The following MED12 variants were observed in gnomAD, a reference collection of about 807,000 sequenced individuals.
MED12 encodes mediator of RNA polymerase II transcription subunit 12.
Under a neutral mutation model 177.7 loss-of-function variants are expected in MED12, and 10 were observed. The observed-to-expected ratio is 0.06, with a 90% confidence interval of 0.03 to 0.10. The LOEUF (loss-of-function observed/expected upper bound fraction) is 0.10. Among genes scored for constraint, MED12 ranks in the 10% least tolerant of loss-of-function variants. MED12 has a pLI of 1.00. For missense variants in MED12, 867 were observed against 1,780.8 expected (o/e 0.49, Z 9.23); for synonymous variants, 641 against 678.4 (o/e 0.94, Z 0.86).
Position 71,121,791 on chromosome X carries a change from T to G in MED12, c.1076T>G (p.Val359Gly). 1 of 1,211,117 alleles carries G rather than the reference T, an allele frequency of 8.3e-7. No individual in the cohort carries two copies. Among genetic ancestry groups the G allele is most frequent in the Non-Finnish European group, 1.1e-6 (1 of 894,933 alleles). ...ATGTGCCCTCAGCACCGGCCCCTGG[T>G]TTTTGGCCTCAGCTGTATCCTACAG... ...LLMCPQHRPL[V>G]FGLSCILQTI... Residue 359 changes from valine (V) to glycine (G), a missense_variant, in exon 7 of 45, where the codon GTT becomes GGT. By Grantham distance (109) the Val-to-Gly change is moderately radical. Transcript: ENST00000374080.
chrX:71,138,185 C>T (rs2092337385), intron 41 of MED12, among the ~76,000 whole-genome samples: 1 of 111,524 alleles, frequency 9.0e-6, no homozygotes, highest in Admixed American at 9.5e-5. Flanking sequence ...AATTGTTTAT[C>T]TGACTCAAGG....
chrX:71,121,094 T>C lies in MED12; in HGVS notation c.677T>C (p.Val226Ala). 1.7e-6 allele frequency: 2 copies of C among 1,210,627 alleles called. No individual in the cohort carries two copies. Among genetic ancestry groups the C allele is most frequent in the Non-Finnish European group, 2.2e-6 (2 of 895,173 alleles). The change falls in exon 5 of 45, where the codon GTA becomes GCA. Residue 226 changes from valine (V) to alanine (A), a missense_variant. Transcript: ENST00000374080. ...GSTIGPLPHD[V>A]EVAIRQWDYT... The stretch of plus-strand genomic sequence containing the variant: ...ACGATAGGGCCCTTGCCCCATGATG[T>C]AGAGGTGGCAATCCGGCAGTGGGAT...
In MED12 at chrX:71,137,716, T is replaced by C. The variant is rs1257547271; in HGVS notation, c.5827-10T>C. 1.7e-6 allele frequency: 2 copies of C among 1,209,797 alleles called. No individual in the cohort carries two copies. The highest frequency in any genetic ancestry group is 1.1e-6 in the Non-Finnish European group (1 of 894,060). On this transcript the variant is annotated splice_polypyrimidine_tract_variant and intron_variant, in intron 40 of 44. Coordinates refer to ENST00000374080, the MANE Select transcript of MED12 (RefSeq NM_005120.3). ...TCGGCCCTGATTCCCTCTCTCCTTC[T>C]TCCCTCCAGGGCTATACTCCTTATG... is the stretch of plus-strand genomic sequence containing the variant.
intron 24 of MED12, 61 bp from the exon 25 acceptor site, chrX:71,129,053 C>T: frequency 2.1e-6 from 2 of 931,127 alleles, no homozygotes; most frequent in South Asian, 2.0e-5. Flanking sequence ...GGCACGCACA[C>T]ACATAAACCC....
chrX:71,140,503 T>G, intron 41 of MED12, 132 bp from the exon 42 acceptor site: 1 of 1,113,123 alleles, frequency 9.0e-7, no homozygotes, highest in South Asian at 1.9e-5. Flanking sequence ...AGACTGGAAG[T>G]CTGGTTAGTG....
Position 71,125,356 on chromosome X carries a change from G to A in MED12, c.2232G>A (p.Glu744=), listed in dbSNP as rs1012702212. The A allele has an allele frequency of 2.1e-5, 25 of 1,208,604 alleles. No homozygotes were observed. The highest frequency in any genetic ancestry group is 2.7e-5 in the Non-Finnish European group (24 of 894,837). The part of the protein sequence containing the change: ...YATHFPIPQE[E]SCSHECNQRL... ...ATGGTGCTGCTGGGATGCAGGAGGA[G>A]TCATGCAGCCATGAGTGCAACCAGC... The change falls in exon 16 of 45, where the codon GAG becomes GAA. Residue 744 remains glutamate (E), a synonymous_variant. Transcript: ENST00000374080.
In MED12 at chrX:71,129,099, T is replaced by C; in HGVS notation, c.3476-15T>C. 1 of 1,181,157 alleles carries C rather than the reference T, an allele frequency of 8.5e-7. No homozygotes were observed. The highest frequency in any genetic ancestry group is 1.2e-6 in the Non-Finnish European group (1 of 867,851). On this transcript the variant is annotated splice_polypyrimidine_tract_variant and intron_variant, in intron 24 of 44. Transcript: ENST00000374080. ...TAACTTCATCCCTTCCAGATCTGTTTTGTCTTCCTTTTAGCTTGTAGTGAA... is the reference window on the plus strand; with the variant it reads ...TAACTTCATCCCTTCCAGATCTGTTCTGTCTTCCTTTTAGCTTGTAGTGAA...
At chrX:71,132,755 C>CT in intron 31 of MED12, 90 bp from the exon 32 acceptor site, 1 of 791,319 alleles carries the variant, frequency 1.3e-6, no homozygotes, top group South Asian at 2.4e-5. Context: ...CTTTTCTCCT[C>CT]TCCTCTTCTC....
intron 11 of MED12, among the ~76,000 whole-genome samples, 161 bp downstream of exon 11, chrX:71,123,387 G>A (rs781535087): frequency 9.0e-5 from 10 of 111,357 alleles, no homozygotes; most frequent in African/African-American, 2.9e-4. Flanking sequence ...GACGTGAGGC[G>A]AAAGTAGAGA....
chrX:71,129,503 C>A, intron 26 of MED12, 74 bp downstream of exon 26: 1 of 945,806 alleles, frequency 1.1e-6, no homozygotes, highest in Non-Finnish European at 1.5e-6. Flanking sequence ...AAGGGACAGT[C>A]TTTCTCCCTT....
chrX:71,140,529 G>T (rs949254168), intron 41 of MED12, 106 bp from the exon 42 acceptor site: 21 of 1,196,243 alleles, frequency 1.8e-5, no homozygotes, highest in Non-Finnish European at 2.3e-5. Flanking sequence ...AGGAATGAAT[G>T]AAATAACCTG....
chrX:71,125,005 G>A lies in MED12; in HGVS notation c.2085G>A (p.Gly695=). Residue 695 remains glycine (G), a synonymous_variant, in exon 15 of 45, where the codon GGG becomes GGA. Coordinates refer to ENST00000374080, the MANE Select transcript of MED12 (RefSeq NM_005120.3). ...TCTCCCCTACTATGCCCTGTGAGGG[G>A]AAGGGCAGTCCATCCCCTGAGAAGC... ...SLFSPTMPCE[G]KGSPSPEKPD... The A allele has an allele frequency of 1.7e-6, 2 of 1,210,874 alleles. No individual in the cohort carries two copies. The highest frequency in any genetic ancestry group is 2.2e-6 in the Non-Finnish European group (2 of 895,256).
Position 71,131,640 on chromosome X carries a change from C to T in MED12, c.4119+19C>T. On this transcript the variant is annotated intron_variant, in intron 29 of 44. Coordinates refer to ENST00000374080, the MANE Select transcript of MED12 (RefSeq NM_005120.3). ...TAACAATGTGAGTAGTGCCTGGACC[C>T]TCCCTTTCCTGTGCTCACGTTCAGC... is the stretch of plus-strand genomic sequence containing the variant. The T allele has an allele frequency of 2.5e-6, 3 of 1,202,380 alleles. No individual in the cohort carries two copies. The highest frequency in any genetic ancestry group is 2.2e-5 in the Admixed American group (1 of 45,969).
chrX:71,121,220 C>A, intron 5 of MED12, 68 bp downstream of exon 5: 1 of 1,194,076 alleles, frequency 8.4e-7, no homozygotes, highest in Non-Finnish European at 1.1e-6. Flanking sequence ...CAGTAGAGAA[C>A]AGAATCTGCC....
chrX:71,125,771 T>G, intron 17 of MED12, 58 bp downstream of exon 17: 2 of 917,326 alleles, frequency 2.2e-6, no homozygotes, highest in Non-Finnish European at 3.1e-6. Context: ...TCCCTGAACC[T>G]AGCACCTCCC....
intron 8 of MED12, 55 bp from the exon 9 acceptor site, chrX:71,122,453 C>T (rs942412128): frequency 8.4e-7 from 1 of 1,189,047 alleles, no homozygotes; most frequent in Non-Finnish European, 1.1e-6. Flanking sequence ...GCCTGGGGCT[C>T]TGGCCTTTTA....
At position 71,136,452 on chromosome X, in the gene MED12, C is replaced by T. The variant is rs2147826384; in HGVS notation, c.5197C>T (p.Arg1733Trp). ...LLLYHTHLRP[R>W]PRAYYLEPLP... Reference sequence around the variant, plus strand: ...GCTCTACCACACACACCTGAGGCCCCGGCCCCGCGCCTATTACCTGGAGCC... The same window carrying T: ...GCTCTACCACACACACCTGAGGCCCTGGCCCCGCGCCTATTACCTGGAGCC... The change falls in exon 37 of 45, where the codon CGG becomes TGG. Residue 1733 changes from arginine to tryptophan, a missense_variant. This residue lies in a region of MED12 where 36 missense variants were observed against 141.5 expected (regional missense o/e 0.25). Transcript: ENST00000374080. 4 of 1,209,241 alleles carry T rather than the reference C, an allele frequency of 3.3e-6. No homozygotes were observed. The highest frequency in any genetic ancestry group is 3.4e-6 in the Non-Finnish European group (3 of 894,623).
intron 25 of MED12, 33 bp from the exon 26 acceptor site, chrX:71,129,283 T>A: frequency 8.5e-7 from 1 of 1,178,389 alleles, no homozygotes; most frequent in Non-Finnish European, 1.2e-6. Context: ...TGGATTCTAC[T>A]TTTGCTTCCC....
At chrX:71,134,670 C>G in intron 34 of MED12, 43 bp from the exon 35 acceptor site, 1 of 1,207,196 alleles carries the variant, frequency 8.3e-7, no homozygotes, top group South Asian at 1.8e-5. Context: ...TTTCTATCTT[C>G]ACCTCTTTCT....
Sources: gnomAD v4.1 joint callset for allele counts (sites outside exome capture counted in the v4.1 genomes callset) on GRCh38, gnomAD v4.1.1 for gene constraint, gnomAD v4.1.1 regional missense constraint, MANE v1.5 for transcripts, NCBI Gene and HGNC (gene_info 2026-07-23, HGNC 2026-07-21) for gene names.